The following PDILT variants were observed in gnomAD, a reference collection of about 807,000 sequenced individuals.
The protein encoded by PDILT is protein disulfide isomerase like, testis expressed.
Under a neutral mutation model 53.7 loss-of-function variants are expected in PDILT, and 43 were observed. The observed-to-expected ratio is 0.80, with a 90% confidence interval of 0.63 to 1.03. PDILT has a LOEUF of 1.03. Ranked by LOEUF, PDILT falls within the 50% of genes least tolerant of loss-of-function variation. The pLI is 0.00. For missense variants in PDILT, 727 were observed against 712.3 expected (o/e 1.02, Z -0.24); for synonymous variants, 282 against 274.2 (o/e 1.03, Z -0.28).
At chr16:20,375,261 T>C (rs1180391589) in intron 4 of PDILT, among the ~76,000 whole-genome samples, 3 of 152,228 alleles carry the variant, frequency 2.0e-5, no homozygotes, top group Non-Finnish European at 4.4e-5. Flanking sequence ...CCTTAGTTAC[T>C]TTCAGAAGAG....
chr16:20,384,841 G>C lies in PDILT; in HGVS notation c.213C>G (p.Ser71=). 1 of 1,614,174 alleles carries C rather than the reference G, an allele frequency of 6.2e-7. No individual in the cohort carries two copies. The highest frequency in any genetic ancestry group is 8.5e-7 in the Non-Finnish European group (1 of 1,180,020). Residue 71 remains serine, a synonymous_variant, in exon 3 of 12, where the codon TCC becomes TCG. Transcript: ENST00000302451. ...CCGCCAAGTTCCTGGATTGCTTTGA[G>C]GATGGGTTGTCTGAAAGAGTATGAA... ...RFLMVLFHNP[S]SKQSRNLAEE... is the part of the protein sequence containing the mutation.
intron 2 of PDILT, among the ~76,000 whole-genome samples, chr16:20,387,337 T>C (rs896808979): frequency 6.6e-6 from 1 of 152,128 alleles, no homozygotes; most frequent in African/African-American, 2.4e-5. Context: ...TTAATAAAGA[T>C]GGAAAGAAAT....
chr16:20,376,232 G>A, intron 3 of PDILT, 31 bp from the exon 4 acceptor site: 1 of 1,611,724 alleles, frequency 6.2e-7, no homozygotes, highest in Non-Finnish European at 8.5e-7. Flanking sequence ...ATAGATACCA[G>A]AGAAGTTTCC....
chr16:20,375,944 A>T (rs1966379333), intron 4 of PDILT, 124 bp downstream of exon 4: 1 of 1,266,698 alleles, frequency 7.9e-7, no homozygotes, highest in Non-Finnish European at 1.1e-6. Context: ...CTTCCCCTAA[A>T]AACCAGATCA....
At chr16:20,381,755 C>T (rs901870207) in intron 3 of PDILT, among the ~76,000 whole-genome samples, 1 of 152,126 alleles carries the variant, frequency 6.6e-6, no homozygotes, top group Non-Finnish European at 1.5e-5. Flanking sequence ...CAGCTTCATC[C>T]TGGCATTCCC....
Position 20,399,177 on chromosome 16 carries a change from C to T in PDILT, c.124G>A (p.Glu42Lys), listed in dbSNP as rs144390016. The change falls in exon 2 of 12, where the codon GAA becomes AAA. Residue 42 changes from glutamate to lysine, a missense_variant. By Grantham distance (56) the Glu-to-Lys change is moderately conservative (BLOSUM62 1). Transcript: ENST00000302451. ...HITKPVHILE[E>K]RSLLVLTPAG... is the part of the protein sequence containing the mutation. ...GGCGTTAGCACTAGGAGACTGCGTT[C>T]CTCCAGGATGTGCACAGGCTTGGTT... 9.3e-6 allele frequency: 15 copies of T among 1,614,200 alleles called. No homozygotes were observed. The highest frequency in any genetic ancestry group is 9.3e-6 in the Non-Finnish European group (11 of 1,180,042).
At position 20,372,968 on chromosome 16, in the gene PDILT, G is replaced by A. The variant is rs774340747; in HGVS notation, c.793-41C>T. ...AAATATGTCATCCCAAGCACACACAGTGGCCCCAGCTCCCCTTCCTCCGGG... is the reference window on the plus strand; with the variant it reads ...AAATATGTCATCCCAAGCACACACAATGGCCCCAGCTCCCCTTCCTCCGGG... On this transcript the variant is annotated intron_variant, in intron 6 of 11. Transcript: ENST00000302451. 1.9e-6 allele frequency: 3 copies of A among 1,613,580 alleles called. No individual in the cohort carries two copies. The East Asian group carries it at 6.7e-5, about 36-fold the overall frequency.
chr16:20,361,752 G>C (rs1408028508), intron 10 of PDILT, among the ~76,000 whole-genome samples: 1 of 152,096 alleles, frequency 6.6e-6, no homozygotes. Flanking sequence ...CCTCTAACCT[G>C]ATTTAAGTCC....
At position 20,362,596 on chromosome 16, in the gene PDILT, T is replaced by C. The variant is rs770981068; in HGVS notation, c.1238-14A>G. The C allele has an allele frequency of 2.5e-6, 4 of 1,613,512 alleles. No individual in the cohort carries two copies. In the African/African-American group the frequency reaches 5.3e-5, roughly 22 times the overall value. ...ACCAGGGTGCATCTGGAAGAGAAGG[T>C]CCATGGCTCAGGCTCACATTGATGA... is the stretch of plus-strand genomic sequence containing the variant. On this transcript the variant is annotated splice_polypyrimidine_tract_variant and intron_variant, in intron 9 of 11. Transcript: ENST00000302451.
chr16:20,392,786 A>T (rs1053046018), intron 2 of PDILT, among the ~76,000 whole-genome samples: 1 of 152,214 alleles, frequency 6.6e-6, no homozygotes, highest in Non-Finnish European at 1.5e-5. Context: ...AATGCAATTC[A>T]AGAATGTGAA....
chr16:20,369,751 A>G, intron 7 of PDILT, 62 bp from the exon 8 acceptor site: 2 of 1,552,514 alleles, frequency 1.3e-6, no homozygotes, highest in Non-Finnish European at 1.8e-6. Context: ...AAAACTGCTG[A>G]AAGGCTGTGG....
rs918396087 is a variant in PDILT at position 20,379,937 on chromosome 16, T to C, written c.410-3736A>G. 5.3e-5 allele frequency among the ~76,000 whole-genome samples: 8 copies of C among 152,230 alleles called. No individual in the cohort carries two copies. The East Asian group carries it at 1.5e-3, about 29-fold the overall frequency. On this transcript the variant is annotated intron_variant, in intron 3 of 11. Transcript: ENST00000302451. ...TCTGTACAGTGTTTCCAGCCATCTT[T>C]AGGTAAAAATAAGTCACACTTGGAA...
At chr16:20,382,218 C>T (rs1000989334) in intron 3 of PDILT, among the ~76,000 whole-genome samples, 22 of 152,146 alleles carry the variant, frequency 1.4e-4, no homozygotes, top group African/African-American at 3.4e-4. Context: ...TTGTTAAGAA[C>T]TTAATTGTTC....
intron 1 of PDILT, among the ~76,000 whole-genome samples, chr16:20,403,187 G>A (rs191112162): frequency 2.0e-5 from 3 of 152,104 alleles, no homozygotes; most frequent in South Asian, 2.1e-4. Context: ...GTGGTTTCCC[G>A]CCAAGAGGGT....
rs1412631029 is a variant in PDILT at position 20,373,005 on chromosome 16, C to T, written c.792+7G>A. The T allele has an allele frequency of 1.2e-6, 2 of 1,613,952 alleles. No homozygotes were observed. Among genetic ancestry groups the T allele is most frequent in the Non-Finnish European group, 1.7e-6 (2 of 1,179,858 alleles). On this transcript the variant is annotated splice_region_variant and intron_variant, in intron 6 of 11. Coordinates refer to ENST00000302451, the MANE Select transcript of PDILT (RefSeq NM_174924.2). ...CCCCTTCCTCCGGGGACCATTTACT[C>T]ACTGACCTCAGTGTTGTATTCGATC...
intron 2 of PDILT, among the ~76,000 whole-genome samples, chr16:20,393,062 C>A (rs1157595449): frequency 6.6e-6 from 1 of 152,178 alleles, no homozygotes; most frequent in African/African-American, 2.4e-5. Context: ...GAAATTAGGG[C>A]TGCAGCAAAA....
At chr16:20,372,023 G>GA (rs992552426) in intron 7 of PDILT, among the ~76,000 whole-genome samples, 6 of 151,448 alleles carry the variant, frequency 4.0e-5, no homozygotes, top group South Asian at 4.2e-4. Context: ...TTTTAAAAGA[G>GA]AAAAAAAACC....
rs745779069 is a variant in PDILT at position 20,359,377 on chromosome 16, G to GCCACCA, written c.1691_1696dup (p.Val564_Val565dup). On this transcript the variant is annotated inframe_insertion, in exon 12 of 12. Transcript: ENST00000302451. ...TTGCACTGGAGGTCCCTTTGGCTTA[G>GCCACCA]CCACCACCACCACCACCTCCTCAGA... 3 of 1,614,032 alleles carry GCCACCA rather than the reference G, an allele frequency of 1.9e-6. No homozygotes were observed. The highest frequency in any genetic ancestry group is 2.5e-6 in the Non-Finnish European group (3 of 1,179,990).
chr16:20,359,512 T>C lies in PDILT; in HGVS notation c.1562A>G (p.Lys521Arg). 3 of 1,613,960 alleles carry C rather than the reference T, an allele frequency of 1.9e-6. No homozygotes were observed. Among genetic ancestry groups the C allele is most frequent in the Non-Finnish European group, 2.5e-6 (3 of 1,179,890 alleles). Residue 521 changes from lysine to arginine, a missense_variant, in exon 12 of 12, where the codon AAG (lysine) becomes AGG (arginine). Lys to Arg is a conservative substitution (Grantham distance 26). Coordinates refer to ENST00000302451, the MANE Select transcript of PDILT (RefSeq NM_174924.2). ...VIEEEVLAEE[K>R]EVPMMRKGLP... Reference sequence around the variant, plus strand: ...CCCTTTCCTCATCATAGGCACCTCCTTTTCCTCAGCTAGCACTTCCTCTTC... The same window carrying C: ...CCCTTTCCTCATCATAGGCACCTCCCTTTCCTCAGCTAGCACTTCCTCTTC...
Sources: allele counts gnomAD v4.1 joint callset (sites outside exome capture counted in the v4.1 genomes callset), GRCh38; gene constraint gnomAD v4.1.1; transcripts MANE v1.5; gene names NCBI Gene and HGNC (gene_info 2026-07-23, HGNC 2026-07-21).